The following NCKAP5 variants were observed in gnomAD, a reference collection of about 807,000 sequenced individuals.
NCKAP5 encodes NCK associated protein 5, also known as nck-associated protein 5.
Under a neutral mutation model 167.0 loss-of-function variants are expected in NCKAP5, and 92 were observed. The ratio of observed to expected loss-of-function variants is 0.55; its 90% CI spans 0.47 to 0.66. NCKAP5 has a LOEUF of 0.66. Ranked by LOEUF, NCKAP5 falls within the 30% of genes least tolerant of loss-of-function variation. The probability of loss-of-function intolerance (pLI) is 0.00; values close to 1 mark genes in which losing one functional copy is unlikely to be tolerated. For missense variants in NCKAP5, 2,378 were observed against 2,315.0 expected, an observed-to-expected ratio of 1.03 and a Z score of -0.56; for synonymous variants, 891 against 877.4, an observed-to-expected ratio of 1.02 and a Z score of -0.27.
chr2:132,924,107 G>C (rs917185874), intron 8 of NCKAP5, among the ~76,000 whole-genome samples: 2 of 152,128 alleles, frequency 1.3e-5, no homozygotes, highest in African/African-American at 4.8e-5. Context: ...TTGGGCAGGC[G>C]ACCCCTACAA....
intron 16 of NCKAP5, among the ~76,000 whole-genome samples, chr2:132,754,537 A>T (rs1463814103): frequency 6.6e-6 from 1 of 152,234 alleles, no homozygotes; most frequent in Non-Finnish European, 1.5e-5. Flanking sequence ...TCTGCACTGC[A>T]GACCAAATGC....
At chr2:133,240,285 A>G (rs1192704167) in intron 4 of NCKAP5, among the ~76,000 whole-genome samples, 1 of 152,242 alleles carries the variant, frequency 6.6e-6, no homozygotes, top group Non-Finnish European at 1.5e-5. Flanking sequence ...AATATATTAC[A>G]ATTGGAGATA....
intron 6 of NCKAP5, among the ~76,000 whole-genome samples, chr2:133,067,422 A>G (rs1320373627): frequency 6.6e-6 from 1 of 152,244 alleles, no homozygotes; most frequent in Non-Finnish European, 1.5e-5. Flanking sequence ...GGAATCCATG[A>G]TCATGAGAAT....
At chr2:133,307,808 A>G (rs949454970) in intron 3 of NCKAP5, among the ~76,000 whole-genome samples, 7 of 152,222 alleles carry the variant, frequency 4.6e-5, no homozygotes, top group African/African-American at 1.7e-4. Flanking sequence ...TATACTATGC[A>G]TTATCTATGC....
chr2:133,334,002 G>A (rs377192707), intron 3 of NCKAP5: 6 of 152,334 alleles, frequency 3.9e-5, no homozygotes, highest in East Asian at 3.9e-4. Flanking sequence ...AGTAGAAGGC[G>A]CTGTGATAAG....
chr2:133,450,999 C>T (rs376923754), intron 3 of NCKAP5, among the ~76,000 whole-genome samples: 110 of 152,266 alleles, frequency 7.2e-4, no homozygotes, highest in African/African-American at 2.6e-3. Context: ...CCCAAACCCC[C>T]AAAATGTATG....
the NCKAP5 span, among the ~76,000 whole-genome samples, chr2:133,614,760 C>A: frequency 6.6e-6 from 1 of 151,652 alleles, no homozygotes; most frequent in African/African-American, 2.4e-5. Context: ...CCCAATCTAG[C>A]AAGGCAGGCC....
intron 5 of NCKAP5, among the ~76,000 whole-genome samples, chr2:133,145,258 T>C (rs2083147076): frequency 6.6e-6 from 1 of 152,046 alleles, no homozygotes; most frequent in Non-Finnish European, 1.5e-5. Flanking sequence ...ATATTTACTA[T>C]GTGCTATTTA....
At chr2:133,229,088 T>C (rs1267121897) in intron 4 of NCKAP5, among the ~76,000 whole-genome samples, 2 of 152,192 alleles carry the variant, frequency 1.3e-5, no homozygotes, top group East Asian at 3.8e-4. Flanking sequence ...CTTAGATGTG[T>C]AACCACCTAG....
intron 2 of NCKAP5, among the ~76,000 whole-genome samples, chr2:133,524,871 G>T (rs1298941495): frequency 6.6e-6 from 1 of 152,106 alleles, no homozygotes; most frequent in African/African-American, 2.4e-5. Flanking sequence ...GGGTGTGTTT[G>T]TGCATGCTTA....
rs760795849 is a variant in NCKAP5 at position 132,731,804 on chromosome 2, G to A, written c.5376C>T (p.Ser1792=). Residue 1792 remains serine (S), a synonymous_variant, in exon 17 of 20, where the codon TCC becomes TCT. Transcript: ENST00000409261. ...PADSAIVHST[S]DPIMTARGMR... Reference sequence around the variant, plus strand: ...TCCCTCTGGCGGTCATGATGGGGTCGGATGTGGAATGAACAATGGCGCTAT... The same window carrying A: ...TCCCTCTGGCGGTCATGATGGGGTCAGATGTGGAATGAACAATGGCGCTAT... 1.1e-5 allele frequency: 17 copies of A among 1,613,772 alleles called. No individual in the cohort carries two copies. Among genetic ancestry groups the A allele is most frequent in the South Asian group, 6.6e-5 (6 of 91,076 alleles).
chr2:132,721,932 A>C (rs1689968567), intron 19 of NCKAP5, among the ~76,000 whole-genome samples: 1 of 152,244 alleles, frequency 6.6e-6, no homozygotes, highest in Non-Finnish European at 1.5e-5. Context: ...CTAAAGCAAT[A>C]GAATAAAATA....
At chr2:132,973,201 A>G (rs2149243128) in intron 7 of NCKAP5, among the ~76,000 whole-genome samples, 1 of 152,294 alleles carries the variant, frequency 6.6e-6, no homozygotes. Flanking sequence ...AGATAACTAA[A>G]GAATCCCAAA....
intron 19 of NCKAP5, among the ~76,000 whole-genome samples, chr2:132,716,696 A>G (rs2105358601): frequency 6.6e-6 from 1 of 152,240 alleles, no homozygotes; most frequent in East Asian, 1.9e-4. Flanking sequence ...CTTGGTCTCC[A>G]TCTCTGCTGT....
intron 6 of NCKAP5, among the ~76,000 whole-genome samples, chr2:133,006,078 G>T (rs771849346): frequency 3.3e-5 from 5 of 151,886 alleles, no homozygotes; most frequent in Non-Finnish European, 7.4e-5. Context: ...GCAATATGAT[G>T]AAATTCTGTC....
At chr2:133,636,519 G>A in the NCKAP5 span, among the ~76,000 whole-genome samples, 3 of 152,224 alleles carry the variant, frequency 2.0e-5, no homozygotes, top group Admixed American at 6.5e-5. Flanking sequence ...TCAGACCAGC[G>A]ATAAGGGCAA....
intron 3 of NCKAP5, among the ~76,000 whole-genome samples, chr2:133,339,921 C>T (rs531415377): frequency 1.3e-5 from 2 of 152,092 alleles, no homozygotes; most frequent in African/African-American, 4.8e-5. Flanking sequence ...AACCTTTGTG[C>T]GGTCTTTGGT....
At chr2:133,216,846 G>A (rs778683792) in intron 4 of NCKAP5, among the ~76,000 whole-genome samples, 1 of 152,096 alleles carries the variant, frequency 6.6e-6, no homozygotes, top group African/African-American at 2.4e-5. Context: ...AGATGCAGAG[G>A]TAGGGAAGGC....
intron 2 of NCKAP5, among the ~76,000 whole-genome samples, chr2:133,557,849 C>T (rs1687853213): frequency 6.6e-6 from 1 of 152,188 alleles, no homozygotes; most frequent in South Asian, 2.1e-4. Flanking sequence ...CCAGGCTGCC[C>T]TTGCATGCAG....
Sources: gnomAD v4.1 joint callset for allele counts (sites outside exome capture counted in the v4.1 genomes callset) on GRCh38, gnomAD v4.1.1 for gene constraint, MANE v1.5 for transcripts, NCBI Gene and HGNC (gene_info 2026-07-23, HGNC 2026-07-21) for gene names.